Variants in STARD13 observed in about 807,000 individuals in gnomAD.
The protein encoded by STARD13 is stAR-related lipid transfer protein 13.
Under a neutral mutation model 106.4 loss-of-function variants are expected in STARD13, and 62 were observed. The observed-to-expected ratio is 0.58, with a 90% CI of 0.48 to 0.72. STARD13 has a LOEUF of 0.72. Ranked by LOEUF, STARD13 falls within the 30% of genes least tolerant of loss-of-function variation. The pLI, the probability that STARD13 is intolerant of heterozygous loss-of-function variation, is 0.00. For missense variants in STARD13, 1,387 were observed against 1,424.0 expected, an observed-to-expected ratio of 0.97 and a Z score of 0.42; for synonymous variants, 565 against 553.0, an observed-to-expected ratio of 1.02 and a Z score of -0.31.
chr13:33,296,418 C>T lies in STARD13; in HGVS notation c.124+53872G>A, dbSNP rs78679481. On this transcript the variant is annotated intron_variant, in intron 1 of 5. Coordinates refer to the STARD13 transcript ENST00000567873. Reference sequence around the variant, plus strand: ...AAATTTAAAAATCATCATGATACAACACCTCACATAGTGACACGTGTGTGT... The same window carrying T: ...AAATTTAAAAATCATCATGATACAATACCTCACATAGTGACACGTGTGTGT... 6.5e-3 allele frequency among the ~76,000 whole-genome samples: 645 copies of T among 99,138 alleles called. 6 individuals are homozygous for T. Among genetic ancestry groups the T allele is most frequent in the African/African-American group, 0.021 (554 of 26,734 alleles). The allele number at this position is 99,138 out of a possible 152,430, so 65.0% of individuals were successfully genotyped here. A position where few individuals can be genotyped will look rare whatever the true frequency, so the allele number is the denominator to read the frequency against.
At chr13:33,185,211 C>T (rs1339279420) in intron 1 of STARD13, among the ~76,000 whole-genome samples, 1 of 152,202 alleles carries the variant, frequency 6.6e-6, no homozygotes, top group Non-Finnish European at 1.5e-5. Context: ...CCTTAAAGAA[C>T]TGAGACACAC....
At chr13:33,131,439 T>C (rs907852496) in intron 4 of STARD13, among the ~76,000 whole-genome samples, 1 of 151,992 alleles carries the variant, frequency 6.6e-6, no homozygotes, top group African/African-American at 2.4e-5. Flanking sequence ...CATATGATTT[T>C]TTTTTTTCAG....
intron 1 of STARD13, chr13:33,350,146 G>T: frequency 8.5e-7 from 1 of 1,183,392 alleles, no homozygotes; most frequent in South Asian, 2.7e-5. Context: ...AGGGAGGGTG[G>T]TGCCCGCAGC....
the STARD13 span, among the ~76,000 whole-genome samples, chr13:33,427,653 G>A: frequency 6.6e-6 from 1 of 152,118 alleles, no homozygotes; most frequent in East Asian, 1.9e-4. Context: ...TGGCTAGTCC[G>A]TAACATAAAA....
the STARD13 span, among the ~76,000 whole-genome samples, chr13:33,427,121 A>G: frequency 6.6e-6 from 1 of 152,310 alleles, no homozygotes; most frequent in East Asian, 1.9e-4. Flanking sequence ...TCCATTTATT[A>G]TTATCTCGTT....
intron 3 of STARD13, among the ~76,000 whole-genome samples, chr13:33,148,023 A>G (rs1334650516): frequency 1.3e-5 from 2 of 152,240 alleles, no homozygotes; most frequent in Non-Finnish European, 1.5e-5. Context: ...AAATGCAAAA[A>G]AAATTTAGTC....
intron 3 of STARD13, among the ~76,000 whole-genome samples, chr13:33,159,858 A>G (rs554693037): frequency 6.6e-6 from 1 of 152,360 alleles, no homozygotes; most frequent in Non-Finnish European, 1.5e-5. Context: ...AGAGACATAT[A>G]CTGTGTTTAT....
the STARD13 span, among the ~76,000 whole-genome samples, chr13:33,494,673 T>C: frequency 2.6e-5 from 4 of 151,952 alleles, no homozygotes; most frequent in African/African-American, 7.3e-5. Context: ...ATAGTCCAGA[T>C]GCAACTGGAT....
upstream of STARD13, chr13:33,285,766 A>G (rs1322068428): frequency 6.8e-7 from 1 of 1,480,102 alleles, no homozygotes; most frequent in Admixed American, 2.4e-5. Flanking sequence ...AAAAAGAAAG[A>G]GGAGTGCCAA....
chr13:33,270,069 G>T (rs185152355), intron 1 of STARD13, among the ~76,000 whole-genome samples: 4 of 151,846 alleles, frequency 2.6e-5, no homozygotes, highest in Non-Finnish European at 5.9e-5. Flanking sequence ...AAACCCGTCT[G>T]TACTAAAAAT....
the STARD13 span, among the ~76,000 whole-genome samples, chr13:33,473,100 G>T: frequency 3.3e-5 from 5 of 152,160 alleles, no homozygotes; most frequent in Non-Finnish European, 7.3e-5. Flanking sequence ...TTGGCTTGTT[G>T]ATTCATCATT....
chr13:33,386,560 C>T, the STARD13 span, among the ~76,000 whole-genome samples: 1 of 152,176 alleles, frequency 6.6e-6, no homozygotes, highest in African/African-American at 2.4e-5. Flanking sequence ...GTGACCTCCT[C>T]TGGGGGGGTC....
chr13:33,521,125 C>T, the STARD13 span, among the ~76,000 whole-genome samples: 1 of 152,136 alleles, frequency 6.6e-6, no homozygotes, highest in Admixed American at 6.6e-5. Context: ...CAGTATTTGT[C>T]AGGAACTGAG....
chr13:33,520,208 A>G, the STARD13 span: 47,331 of 152,042 alleles, frequency 0.31, 7,818 homozygotes, highest in Non-Finnish European at 0.37. Flanking sequence ...GTTTAAAAGT[A>G]CTTCTTTAAT....
the STARD13 span, among the ~76,000 whole-genome samples, chr13:33,360,726 A>ATTCCTTC: frequency 7.4e-6 from 1 of 134,638 alleles, no homozygotes; most frequent in African/African-American, 2.7e-5. Context: ...AGACAGAAGG[A>ATTCCTTC]CATATTGTTG....
At position 33,129,408 on chromosome 13, in the gene STARD13, C is replaced by G; in HGVS notation, c.1269G>C (p.Gly423=). 1 of 1,614,210 alleles carries G rather than the reference C, an allele frequency of 6.2e-7. No individual in the cohort carries two copies. Among genetic ancestry groups the G allele is most frequent in the Non-Finnish European group, 8.5e-7 (1 of 1,180,052 alleles). The change falls in exon 5 of 14, where the codon GGG becomes GGC. Residue 423 remains glycine, a synonymous_variant. Transcript: ENST00000336934. ...ESLSPTDSSN[G]VNWRTGSISL... ...AGATGCTACCGGTCCTCCAATTAAC[C>G]CCATTGCTACTATCTGTGGGAGAGA...
chr13:33,446,964 A>G, the STARD13 span, among the ~76,000 whole-genome samples: 1 of 152,240 alleles, frequency 6.6e-6, no homozygotes, highest in Admixed American at 6.5e-5. Flanking sequence ...ATTAGTTTAC[A>G]TAAAGAGGCT....
chr13:33,232,854 C>T (rs1031115611), intron 1 of STARD13, among the ~76,000 whole-genome samples: 1 of 152,172 alleles, frequency 6.6e-6, no homozygotes, highest in Admixed American at 6.5e-5. Flanking sequence ...CTTCCTTGTT[C>T]CTCCCTAATT....
chr13:33,539,973 TACAA>T, the STARD13 span, among the ~76,000 whole-genome samples: 1 of 152,208 alleles, frequency 6.6e-6, no homozygotes, highest in African/African-American at 2.4e-5. Context: ...ACAACTCAAT[TACAA>T]ACAACTTAGT....
Sources: allele counts gnomAD v4.1 joint callset (sites outside exome capture counted in the v4.1 genomes callset), GRCh38; gene constraint gnomAD v4.1.1; transcripts MANE v1.5; gene names NCBI Gene and HGNC (gene_info 2026-07-23, HGNC 2026-07-21).